LARP4: variants seen among roughly 807,000 people sequenced by gnomAD.
LARP4 encodes La ribonucleoprotein 4.
In LARP4, 29 loss-of-function variants were observed where a neutral mutation model predicts 92.9. The ratio of observed to expected loss-of-function variants is 0.31; its 90% CI spans 0.23 to 0.43. The LOEUF is 0.43. Ranked by LOEUF, LARP4 falls within the 20% of genes least tolerant of loss-of-function variation. LARP4 has a pLI of 1.00. For missense variants in LARP4, 732 were observed against 860.0 expected, an observed-to-expected ratio of 0.85 and a Z score of 1.86; for synonymous variants, 279 against 284.1, an observed-to-expected ratio of 0.98 and a Z score of 0.18.
chr12:50,403,479 A>G (rs1944250400), intron 1 of LARP4, among the ~76,000 whole-genome samples: 1 of 152,250 alleles, frequency 6.6e-6, no homozygotes, highest in South Asian at 2.1e-4. Flanking sequence ...GTATTGCTAT[A>G]TTAGACATTT....
At chr12:50,473,315 G>T in intron 13 of LARP4, 100 bp from the exon 14 acceptor site, 1 of 790,988 alleles carries the variant, frequency 1.3e-6, no homozygotes, top group Non-Finnish European at 2.1e-6. Flanking sequence ...ATTTTATGAT[G>T]ACTAATGATG....
intron 1 of LARP4, among the ~76,000 whole-genome samples, chr12:50,412,921 A>T (rs528506164): frequency 2.6e-5 from 4 of 152,142 alleles, no homozygotes; most frequent in African/African-American, 7.2e-5. Context: ...TGTGGTGAGA[A>T]GATGAATAAA....
chr12:50,442,164 A>G (rs1291098043), intron 8 of LARP4, among the ~76,000 whole-genome samples: 3 of 152,256 alleles, frequency 2.0e-5, no homozygotes, highest in Non-Finnish European at 2.9e-5. Flanking sequence ...GTAACTTCAA[A>G]TAGCATGAGG....
At chr12:50,438,504 A>AAG (rs1555154939) in intron 6 of LARP4, among the ~76,000 whole-genome samples, 2 of 151,500 alleles carry the variant, frequency 1.3e-5, no homozygotes, top group Non-Finnish European at 2.9e-5. Context: ...AAAAAAAAAA[A>AAG]GGGATTAAGG....
intron 10 of LARP4, among the ~76,000 whole-genome samples, chr12:50,458,645 C>A (rs1393362610): frequency 6.6e-6 from 1 of 152,164 alleles, no homozygotes; most frequent in East Asian, 1.9e-4. Flanking sequence ...ATATAAACTG[C>A]AAATAATGGG....
chr12:50,448,083 T>C (rs1952519183), intron 8 of LARP4, among the ~76,000 whole-genome samples: 1 of 152,108 alleles, frequency 6.6e-6, no homozygotes, highest in Admixed American at 6.5e-5. Flanking sequence ...GACAGGTTGG[T>C]CTTGAATTCC....
At chr12:50,426,724 TGTGTGTG>T (rs1389026060) in intron 1 of LARP4, among the ~76,000 whole-genome samples, 2 of 117,410 alleles carry the variant, frequency 1.7e-5, no homozygotes, top group African/African-American at 4.6e-5. Context: ...TGTGTGTGTG[TGTGTGTG>T]GTTTTTTTTT....
At position 50,430,487 on chromosome 12, in the gene LARP4, AC is replaced by A; in HGVS notation, c.323-6del. On this transcript the variant is annotated splice_polypyrimidine_tract_variant and splice_region_variant and intron_variant, in intron 3 of 15. Coordinates refer to ENST00000398473, the MANE Select transcript of LARP4 (RefSeq NM_052879.5). ...TAACTTTTTTTCCCTCTTCTTTTCT[AC>A]CATCAGGAGAAAGCAATTCAGCAGT... is the stretch of plus-strand genomic sequence containing the variant. The A allele has an allele frequency of 6.4e-7, 1 of 1,554,796 alleles. No individual in the cohort carries two copies. Among genetic ancestry groups the A allele is most frequent in the Non-Finnish European group, 8.8e-7 (1 of 1,134,162 alleles).
chr12:50,433,869 A>G (rs10876034), intron 4 of LARP4, among the ~76,000 whole-genome samples: 107,957 of 151,980 alleles, frequency 0.71, 44,437 homozygotes, highest in Non-Finnish European at 0.93. Flanking sequence ...CAAACTCCTG[A>G]TATCAGGTGA....
At chr12:50,420,192 A>C (rs960128864) in intron 1 of LARP4, among the ~76,000 whole-genome samples, 1 of 152,180 alleles carries the variant, frequency 6.6e-6, no homozygotes, top group African/African-American at 2.4e-5. Flanking sequence ...ACTTTAAGAA[A>C]TGAAAAATAT....
chr12:50,438,226 G>T (rs1263521482), intron 6 of LARP4, among the ~76,000 whole-genome samples: 1 of 151,416 alleles, frequency 6.6e-6, no homozygotes, highest in African/African-American at 2.4e-5. Context: ...GCTGGGCGCG[G>T]GGTGGCTCAT....
At chr12:50,447,122 T>C (rs1254896782) in intron 8 of LARP4, among the ~76,000 whole-genome samples, 2 of 152,212 alleles carry the variant, frequency 1.3e-5, no homozygotes, top group Non-Finnish European at 2.9e-5. Context: ...AAATCCTAAA[T>C]TTGAATTGCT....
At chr12:50,450,511 C>T (rs914386363) in intron 8 of LARP4, among the ~76,000 whole-genome samples, 1 of 152,026 alleles carries the variant, frequency 6.6e-6, no homozygotes, top group African/African-American at 2.4e-5. Context: ...TAAATTCAGG[C>T]TGTATGGTTT....
intron 10 of LARP4, among the ~76,000 whole-genome samples, chr12:50,455,959 C>A (rs114876704): frequency 5.3e-5 from 8 of 151,942 alleles, no homozygotes; most frequent in African/African-American, 1.9e-4. Flanking sequence ...GGCTGAGGAA[C>A]GAGAATTGCT....
At chr12:50,409,089 A>G (rs1360534039) in intron 1 of LARP4, among the ~76,000 whole-genome samples, 2 of 152,136 alleles carry the variant, frequency 1.3e-5, no homozygotes, top group Admixed American at 6.6e-5. Context: ...TTTGAGTTGG[A>G]GGAAGAAAAA....
intron 1 of LARP4, among the ~76,000 whole-genome samples, chr12:50,406,867 C>T (rs746606220): frequency 9.9e-5 from 15 of 151,350 alleles, no homozygotes; most frequent in Non-Finnish European, 1.8e-4. Flanking sequence ...TACAGACGTA[C>T]GCCACCATGC....
intron 13 of LARP4, among the ~76,000 whole-genome samples, chr12:50,469,948 A>T (rs535464662): frequency 6.8e-6 from 1 of 147,904 alleles, no homozygotes; most frequent in East Asian, 2.0e-4. Context: ...AGGCAGGCAC[A>T]TTGGCTCATA....
chr12:50,423,086 T>TTGGGATTACAGGCGTGAGC (rs1948109875), intron 1 of LARP4, among the ~76,000 whole-genome samples: 1 of 151,916 alleles, frequency 6.6e-6, no homozygotes, highest in African/African-American at 2.4e-5. Flanking sequence ...TCCCACAGTG[T>TTGGGATTACAGGCGTGAGC]TGGGATTACA....
intron 5 of LARP4, among the ~76,000 whole-genome samples, chr12:50,436,248 A>G (rs957307242): frequency 7.4e-5 from 11 of 148,518 alleles, no homozygotes; most frequent in African/African-American, 9.9e-5. Context: ...GTGTGTATGT[A>G]TATATATATA....
Sources: allele counts gnomAD v4.1 joint callset (sites outside exome capture counted in the v4.1 genomes callset), GRCh38; gene constraint gnomAD v4.1.1; transcripts MANE v1.5; gene names NCBI Gene and HGNC (gene_info 2026-07-23, HGNC 2026-07-21).